ASCC3: variants seen among roughly 807,000 people sequenced by gnomAD.
The protein encoded by ASCC3 is activating signal cointegrator 1 complex subunit 3.
A neutral mutation model predicts 256.3 loss-of-function variants in ASCC3; 158 were observed. The ratio of observed to expected loss-of-function variants is 0.62; its 90% CI spans 0.54 to 0.70. The LOEUF (loss-of-function observed/expected upper bound fraction) is 0.70, where lower values mean the gene tolerates loss of function less well. Ranked by LOEUF, ASCC3 falls within the 30% of genes least tolerant of loss-of-function variation. The pLI, the probability that ASCC3 is intolerant of heterozygous loss-of-function variation, is 0.00. For missense variants in ASCC3, 2,259 were observed against 2,626.0 expected (o/e 0.86, Z 3.05); for synonymous variants, 948 against 883.4 (o/e 1.07, Z -1.30).
chr6:100,712,396 A>T (rs893137439), intron 13 of ASCC3, among the ~76,000 whole-genome samples: 1 of 152,198 alleles, frequency 6.6e-6, no homozygotes, highest in Non-Finnish European at 1.5e-5. Flanking sequence ...AACAAAATAT[A>T]CAAAGAACTC....
chr6:100,714,636 G>A (rs1216623113), intron 13 of ASCC3, among the ~76,000 whole-genome samples: 2 of 151,514 alleles, frequency 1.3e-5, no homozygotes, highest in African/African-American at 4.8e-5. Flanking sequence ...ACTAGAAAAG[G>A]TTAGCAACTA....
intron 4 of ASCC3, among the ~76,000 whole-genome samples, chr6:100,815,402 TA>T (rs373350935): frequency 0.032 from 4,619 of 144,806 alleles, 213 homozygotes; most frequent in African/African-American, 0.1. Flanking sequence ...TTCATAGAAC[TA>T]AAAAAAAAAA....
At chr6:100,721,496 T>C (rs879332534) in intron 11 of ASCC3, among the ~76,000 whole-genome samples, 1 of 151,708 alleles carries the variant, frequency 6.6e-6, no homozygotes, top group Non-Finnish European at 1.5e-5. Flanking sequence ...CCAGAGCACA[T>C]GCCTTGTAGG....
intron 36 of ASCC3, among the ~76,000 whole-genome samples, chr6:100,586,046 G>T (rs1771649496): frequency 6.6e-6 from 1 of 152,210 alleles, no homozygotes; most frequent in Non-Finnish European, 1.5e-5. Flanking sequence ...GGACCCACTT[G>T]AGGAGGCAGT....
chr6:100,675,382 A>G (rs1218436711), intron 14 of ASCC3, among the ~76,000 whole-genome samples: 1 of 152,192 alleles, frequency 6.6e-6, no homozygotes, highest in African/African-American at 2.4e-5. Context: ...TGCTATCTTT[A>G]GTTAACAGAT....
intron 4 of ASCC3, among the ~76,000 whole-genome samples, chr6:100,822,332 T>G (rs1483613439): frequency 6.6e-6 from 1 of 151,864 alleles, no homozygotes; most frequent in East Asian, 1.9e-4. Flanking sequence ...AGCTCAGGAG[T>G]TCGAGACCAA....
intron 4 of ASCC3, among the ~76,000 whole-genome samples, chr6:100,832,897 C>T (rs1212128879): frequency 6.6e-6 from 1 of 151,778 alleles, no homozygotes; most frequent in African/African-American, 2.4e-5. Flanking sequence ...AGTTAAAGCA[C>T]CACTTAGAAA....
intron 13 of ASCC3, among the ~76,000 whole-genome samples, chr6:100,710,013 G>A (rs1778790969): frequency 6.6e-6 from 1 of 152,116 alleles, no homozygotes; most frequent in South Asian, 2.1e-4. Context: ...TGTGAGACCT[G>A]TATACTAAAC....
chr6:100,607,417 T>C (rs1310839188), intron 30 of ASCC3, among the ~76,000 whole-genome samples: 1 of 152,014 alleles, frequency 6.6e-6, no homozygotes, highest in Non-Finnish European at 1.5e-5. Context: ...TCATCTCTTG[T>C]TATAAAAAAC....
chr6:100,649,146 T>A (rs1342959851), intron 20 of ASCC3, among the ~76,000 whole-genome samples: 1 of 151,898 alleles, frequency 6.6e-6, no homozygotes, highest in South Asian at 2.1e-4. Context: ...AAAACAGGGA[T>A]GCTTTGAGAT....
chr6:100,559,147 G>T (rs1769791296), intron 36 of ASCC3, among the ~76,000 whole-genome samples: 2 of 152,058 alleles, frequency 1.3e-5, no homozygotes, highest in Admixed American at 6.6e-5. Flanking sequence ...ACCTTGGGAG[G>T]TTATAAATGC....
intron 4 of ASCC3, among the ~76,000 whole-genome samples, chr6:100,814,867 A>G (rs1770664120): frequency 6.6e-6 from 1 of 151,698 alleles, no homozygotes; most frequent in Admixed American, 6.6e-5. Flanking sequence ...CTATTTTATT[A>G]ATTTTTTTTC....
intron 3 of ASCC3, among the ~76,000 whole-genome samples, chr6:100,853,487 C>G (rs182551498): frequency 1.1e-4 from 16 of 139,382 alleles, no homozygotes; most frequent in Non-Finnish European, 2.2e-4. Context: ...AGTTTTGAGA[C>G]GGAGTCTTGC....
intron 37 of ASCC3, among the ~76,000 whole-genome samples, chr6:100,526,230 T>C (rs1310565803): frequency 2.0e-5 from 3 of 152,156 alleles, no homozygotes; most frequent in African/African-American, 7.2e-5. Context: ...AGCCTACAAG[T>C]TAATCAAAAT....
chr6:100,653,062 C>T (rs1000187245), intron 17 of ASCC3, among the ~76,000 whole-genome samples, 173 bp from the exon 18 acceptor site: 1 of 151,684 alleles, frequency 6.6e-6, no homozygotes, highest in African/African-American at 2.4e-5. Context: ...ATATTTTATG[C>T]CATTAAATAA....
chr6:100,601,260 G>A (rs571679003), intron 34 of ASCC3, among the ~76,000 whole-genome samples: 1 of 152,090 alleles, frequency 6.6e-6, no homozygotes, highest in South Asian at 2.1e-4. Flanking sequence ...CCACACTAAA[G>A]ATCAGCCCTT....
At chr6:100,635,199 G>GTATA (rs763864562) in intron 25 of ASCC3, among the ~76,000 whole-genome samples, 1 of 150,634 alleles carries the variant, frequency 6.6e-6, no homozygotes, top group African/African-American at 2.4e-5. Context: ...ATGTGTGTGT[G>GTATA]TATATATATA....
At chr6:100,736,979 C>T (rs1310793095) in intron 10 of ASCC3, among the ~76,000 whole-genome samples, 1 of 152,120 alleles carries the variant, frequency 6.6e-6, no homozygotes, top group Admixed American at 6.5e-5. Context: ...GAAACCCCAA[C>T]TCTACTAAAA....
In ASCC3 at chr6:100,732,935, TAAC is replaced by T. The variant is rs148969485; in HGVS notation, c.1738-7235_1738-7233del. Among the ~76,000 whole-genome samples the T allele has an allele frequency of 0.013, 1,941 of 152,256 alleles. 98 individuals carry two copies. The East Asian group carries it at 0.15, about 12-fold the overall frequency. ...CATTTCCCTTCCATTTCCTGCAATT[TAAC>T]AACATTGGAAAACTAACAACATTAG... On this transcript the variant is annotated intron_variant, in intron 10 of 41. Coordinates refer to ENST00000369162, the MANE Select transcript of ASCC3 (RefSeq NM_006828.4).
Sources: allele counts gnomAD v4.1 joint callset (sites outside exome capture counted in the v4.1 genomes callset), GRCh38; gene constraint gnomAD v4.1.1; transcripts MANE v1.5; gene names NCBI Gene and HGNC (gene_info 2026-07-23, HGNC 2026-07-21).